The following UGGT2 variants were observed in gnomAD, a reference collection of about 807,000 sequenced individuals.
UGGT2 encodes UDP-glucose:glycoprotein glucosyltransferase 2.
A neutral mutation model predicts 192.1 loss-of-function variants in UGGT2; 180 were observed. That is an observed-to-expected ratio of 0.94 (90% CI 0.83 to 1.06). UGGT2 has a LOEUF of 1.06. Ranked by LOEUF, UGGT2 falls within the 50% of genes least tolerant of loss-of-function variation. The pLI is 0.00. For missense variants in UGGT2, 1,849 were observed against 1,795.7 expected (o/e 1.03, Z -0.54); for synonymous variants, 580 against 591.0 (o/e 0.98, Z 0.27).
intron 36 of UGGT2, among the ~76,000 whole-genome samples, chr13:95,843,772 C>T (rs998413478): frequency 1.3e-5 from 2 of 151,950 alleles, no homozygotes; most frequent in African/African-American, 2.4e-5. Context: ...AAAAGTCAAC[C>T]GGCCATATAT....
At chr13:95,999,935 C>CT in intron 5 of UGGT2, among the ~76,000 whole-genome samples, 1 of 152,280 alleles carries the variant, frequency 6.6e-6, no homozygotes, top group East Asian at 1.9e-4. Flanking sequence ...ATTTTAGTAC[C>CT]TTTATTTTAT....
chr13:95,805,687 AT>A (rs970512058), intron 38 of UGGT2, among the ~76,000 whole-genome samples: 3 of 152,228 alleles, frequency 2.0e-5, no homozygotes, highest in Admixed American at 6.5e-5. Context: ...TCACAAAAAA[AT>A]AAATACTATA....
intron 4 of UGGT2, among the ~76,000 whole-genome samples, chr13:96,020,560 C>T (rs1214752948): frequency 6.6e-6 from 1 of 152,052 alleles, no homozygotes; most frequent in Non-Finnish European, 1.5e-5. Flanking sequence ...AAACAATAAA[C>T]CATTAAATCA....
At chr13:95,840,592 C>T (rs1887759181) in intron 36 of UGGT2, among the ~76,000 whole-genome samples, 1 of 152,098 alleles carries the variant, frequency 6.6e-6, no homozygotes, top group South Asian at 2.1e-4. Context: ...AACACTTTTA[C>T]ACTGCTGGTG....
At chr13:96,036,927 T>C (rs1342459219) in intron 1 of UGGT2, among the ~76,000 whole-genome samples, 11 of 152,174 alleles carry the variant, frequency 7.2e-5, no homozygotes, top group Admixed American at 2.6e-4. Flanking sequence ...GTTCACTCTT[T>C]TGGACAAAGT....
chr13:96,032,325 T>C (rs2139161223), intron 1 of UGGT2, among the ~76,000 whole-genome samples: 1 of 152,086 alleles, frequency 6.6e-6, no homozygotes, highest in South Asian at 2.1e-4. Context: ...GATAGAACAT[T>C]ATATAAAGGT....
Position 95,933,519 on chromosome 13 carries a change from T to C in UGGT2, c.1977+3405A>G, listed in dbSNP as rs546811178. On this transcript the variant is annotated intron_variant, in intron 17 of 38. Coordinates refer to ENST00000376747, the MANE Select transcript of UGGT2 (RefSeq NM_020121.4). ...TCCAAGAGCTAACTTTTGGTTTCAC[T>C]GATTCATTGTATAAATTTTTGGGTC... Among the ~76,000 whole-genome samples the C allele has an allele frequency of 1.4e-4, 22 of 152,316 alleles. No individual in the cohort carries two copies. In the South Asian group the frequency reaches 3.9e-3, roughly 27 times the overall value.
At chr13:95,933,672 A>T (rs889844211) in intron 17 of UGGT2, among the ~76,000 whole-genome samples, 2 of 130,530 alleles carry the variant, frequency 1.5e-5, no homozygotes, top group Non-Finnish European at 3.6e-5. Context: ...AGATAGTTCT[A>T]AATTTTTTTG....
chr13:96,045,260 A>C (rs565077989), intron 1 of UGGT2, among the ~76,000 whole-genome samples: 1 of 152,322 alleles, frequency 6.6e-6, no homozygotes, highest in East Asian at 1.9e-4. Context: ...ATAGACGCAG[A>C]AAAAGCATTT....
intron 36 of UGGT2, among the ~76,000 whole-genome samples, chr13:95,845,248 G>A (rs1248437079): frequency 1.3e-5 from 2 of 151,674 alleles, no homozygotes; most frequent in Non-Finnish European, 2.9e-5. Flanking sequence ...GGGGTCATAG[G>A]ACAATAGTGG....
In UGGT2 at chr13:95,854,344, T is replaced by C; in HGVS notation, c.4140A>G (p.Ser1380=). ...YRFWKTGYWA[S]HLLRRKYHIS... ...TATGGTATTTCCGTCTTAAAAGATG[T>C]GATGCCCAGTATCCTGTTTTCCAGA... The change falls in exon 35 of 39, where the codon TCA becomes TCG. Residue 1380 remains serine (S), a synonymous_variant. Coordinates refer to ENST00000376747, the MANE Select transcript of UGGT2 (RefSeq NM_020121.4). 1.9e-6 allele frequency: 3 copies of C among 1,613,502 alleles called. No homozygotes were observed. Among genetic ancestry groups the C allele is most frequent in the Non-Finnish European group, 2.5e-6 (3 of 1,179,750 alleles).
chr13:95,864,494 T>C (rs1890463703), intron 30 of UGGT2, among the ~76,000 whole-genome samples: 1 of 152,186 alleles, frequency 6.6e-6, no homozygotes, highest in South Asian at 2.1e-4. Flanking sequence ...TATAGTTTCC[T>C]CCTATGGCCA....
intron 22 of UGGT2, among the ~76,000 whole-genome samples, 198 bp from the exon 23 acceptor site, chr13:95,895,502 C>G (rs949105697): frequency 2.6e-5 from 4 of 151,872 alleles, no homozygotes; most frequent in Non-Finnish European, 4.4e-5. Flanking sequence ...TTACAAATAA[C>G]ATTTGTATAA....
intron 12 of UGGT2, among the ~76,000 whole-genome samples, chr13:95,963,857 G>A (rs1437042396): frequency 1.3e-5 from 2 of 151,952 alleles, no homozygotes. Flanking sequence ...AATTGAAAAA[G>A]ACAGAAATAA....
chr13:95,904,372 C>T (rs1244327895), intron 20 of UGGT2, among the ~76,000 whole-genome samples: 1 of 151,356 alleles, frequency 6.6e-6, no homozygotes, highest in East Asian at 2.0e-4. Flanking sequence ...TATACATGTG[C>T]CATGCTGGTG....
intron 29 of UGGT2, among the ~76,000 whole-genome samples, chr13:95,875,160 A>G (rs1467592285): frequency 6.6e-6 from 1 of 152,196 alleles, no homozygotes; most frequent in East Asian, 1.9e-4. Context: ...TATGTGGCAT[A>G]TCTCGTGGTT....
At chr13:95,918,248 A>C (rs1249848252) in intron 20 of UGGT2, among the ~76,000 whole-genome samples, 1 of 152,242 alleles carries the variant, frequency 6.6e-6, no homozygotes, top group Non-Finnish European at 1.5e-5. Context: ...ACACAACTAC[A>C]TGAAAATTGA....
chr13:95,948,081 C>T lies in UGGT2; in HGVS notation c.1456G>A (p.Val486Ile). 1.2e-6 allele frequency: 2 copies of T among 1,610,278 alleles called. No homozygotes were observed. The highest frequency in any genetic ancestry group is 1.7e-6 in the Non-Finnish European group (2 of 1,177,724). ...PSIRRNFHNL[V>I]LFIDPAQEYT... Reference sequence around the variant, plus strand: ...TCTTGGGCCGGATCAATAAACAGAACCTAAAAGAAAGATAGTATATATCAC... The same window carrying T: ...TCTTGGGCCGGATCAATAAACAGAATCTAAAAGAAAGATAGTATATATCAC... The change falls in exon 14 of 39, where the codon GTT becomes ATT. Residue 486 changes from valine (V) to isoleucine (I), a missense_variant and splice_region_variant. Coordinates refer to ENST00000376747, the MANE Select transcript of UGGT2 (RefSeq NM_020121.4).
Position 95,832,866 on chromosome 13 carries a change from T to C in UGGT2, c.4528+61A>G, listed in dbSNP as rs1001093571. The C allele has an allele frequency of 3.0e-5, 48 of 1,586,522 alleles. No individual in the cohort carries two copies. In the South Asian group the frequency reaches 5.0e-4, roughly 17 times the overall value. ...AATTCACTAAGAAATGAGTCTGTAG[T>C]CTATTCTAATCTCATTAATGCAACG... On this transcript the variant is annotated intron_variant, in intron 38 of 38. Transcript: ENST00000376747.
Sources: allele counts gnomAD v4.1 joint callset (sites outside exome capture counted in the v4.1 genomes callset), GRCh38; gene constraint gnomAD v4.1.1; transcripts MANE v1.5; gene names NCBI Gene and HGNC (gene_info 2026-07-23, HGNC 2026-07-21).